The following FAM53A variants were observed in gnomAD, a reference collection of about 807,000 sequenced individuals.
The protein encoded by FAM53A is family with sequence similarity 53 member A.
FAM53A carries 28 observed loss-of-function variants against 26.6 expected under a neutral mutation model. The ratio of observed to expected loss-of-function variants is 1.05; its 90% confidence interval spans 0.78 to 1.45. The LOEUF (loss-of-function observed/expected upper bound fraction) is 1.45, where lower values mean the gene tolerates loss of function less well. Among genes scored for constraint, FAM53A ranks in the 40% most tolerant of loss-of-function variants. The pLI is 0.00. For synonymous variants in FAM53A, 290 were observed against 253.1 expected, an observed-to-expected ratio of 1.15 and a Z score of -1.38; for missense variants, 650 against 575.8, an observed-to-expected ratio of 1.13 and a Z score of -1.32.
At chr4:1,610,654 G>T in the FAM53A span, among the ~76,000 whole-genome samples, 1 of 152,006 alleles carries the variant, frequency 6.6e-6, no homozygotes, top group Non-Finnish European at 1.5e-5. Flanking sequence ...GCGACGTGGG[G>T]GGCGGCCTGG....
At chr4:1,581,894 AT>A in the FAM53A span, among the ~76,000 whole-genome samples, 152 of 144,884 alleles carry the variant, frequency 1.0e-3, no homozygotes, top group East Asian at 3.8e-3. Flanking sequence ...CATGCCCAGC[AT>A]TTTTTTTTTT....
Position 1,658,746 on chromosome 4 carries a change from C to G in FAM53A, c.76-1278G>C, listed in dbSNP as rs181271436. Reference sequence around the variant, plus strand: ...ATGTGTCTGCTTCCACGCACTGGCCCGTGCAGGCGGGACACAGGGCCCTGC... The same window carrying G: ...ATGTGTCTGCTTCCACGCACTGGCCGGTGCAGGCGGGACACAGGGCCCTGC... On this transcript the variant is annotated intron_variant, in intron 2 of 4. Coordinates refer to ENST00000308132, the MANE Select transcript of FAM53A (RefSeq NM_001174070.3). Among the ~76,000 whole-genome samples the G allele has an allele frequency of 6.2e-3, 950 of 152,364 alleles. 13 individuals carry two copies. Among genetic ancestry groups the G allele is most frequent in the African/African-American group, 0.022 (895 of 41,592 alleles).
At chr4:1,643,813 C>T (rs371161502) in intron 4 of FAM53A, among the ~76,000 whole-genome samples, 2 of 152,076 alleles carry the variant, frequency 1.3e-5, no homozygotes, top group South Asian at 2.1e-4. Flanking sequence ...ACAATCCTCC[C>T]GCCTCAGCCT....
chr4:1,646,435 G>C (rs1218007111), intron 4 of FAM53A, among the ~76,000 whole-genome samples: 9 of 152,174 alleles, frequency 5.9e-5, no homozygotes, highest in Non-Finnish European at 1.3e-4. Context: ...TTATTTATAA[G>C]TGACGTCGTC....
At chr4:1,656,310 G>A (rs1025667073) in intron 3 of FAM53A, among the ~76,000 whole-genome samples, 8 of 152,148 alleles carry the variant, frequency 5.3e-5, no homozygotes, top group South Asian at 2.1e-4. Flanking sequence ...CCTGTCTAAC[G>A]CGCTCCCCAG....
intron 1 of FAM53A, among the ~76,000 whole-genome samples, chr4:1,669,865 G>A (rs1714503353): frequency 6.6e-6 from 1 of 152,228 alleles, no homozygotes; most frequent in South Asian, 2.1e-4. Context: ...AGACAGCAGT[G>A]ACGGAACGTC....
upstream of FAM53A, among the ~76,000 whole-genome samples, chr4:1,685,822 A>C (rs1715781777): frequency 6.6e-6 from 1 of 152,154 alleles, no homozygotes; most frequent in Admixed American, 6.5e-5. Context: ...CCAGAGCAGA[A>C]AGTGGCCAGA....
intron 1 of FAM53A, among the ~76,000 whole-genome samples, chr4:1,669,127 G>A (rs1867925): frequency 0.084 from 12,766 of 152,044 alleles, 590 homozygotes; most frequent in Middle Eastern, 0.19. Context: ...CACCCGCCCC[G>A]GAAGCCTCAA....
chr4:1,661,868 C>A (rs1199987440), intron 2 of FAM53A, among the ~76,000 whole-genome samples: 1 of 152,062 alleles, frequency 6.6e-6, no homozygotes, highest in Non-Finnish European at 1.5e-5. Flanking sequence ...ACAGAGTGCA[C>A]CTCCATGCCA....
downstream of FAM53A, among the ~76,000 whole-genome samples, chr4:1,638,480 G>A (rs1303647476): frequency 1.3e-5 from 2 of 152,146 alleles, no homozygotes; most frequent in African/African-American, 2.4e-5. Context: ...CCCTGGGCTC[G>A]GGCCTCAGGA....
At chr4:1,683,040 G>A (rs988667361) in intron 1 of FAM53A, among the ~76,000 whole-genome samples, 3 of 152,200 alleles carry the variant, frequency 2.0e-5, no homozygotes, top group African/African-American at 7.2e-5. Context: ...GCCACAGAAG[G>A]GGATCAGGAC....
At chr4:1,678,527 A>T (rs892234886) in intron 1 of FAM53A, among the ~76,000 whole-genome samples, 9 of 152,202 alleles carry the variant, frequency 5.9e-5, no homozygotes, top group Non-Finnish European at 1.2e-4. Context: ...ATCCACAAGA[A>T]AAAAAGACAT....
chr4:1,680,800 A>AAAAAAAACC (rs1400624308), intron 1 of FAM53A, among the ~76,000 whole-genome samples: 1 of 152,022 alleles, frequency 6.6e-6, no homozygotes, highest in Admixed American at 6.6e-5. Flanking sequence ...AAACAAACAA[A>AAAAAAAACC]AAAAAAACCG....
chr4:1,674,835 T>C (rs1714926034), intron 1 of FAM53A, among the ~76,000 whole-genome samples: 1 of 152,152 alleles, frequency 6.6e-6, no homozygotes, highest in African/African-American at 2.4e-5. Context: ...GCCATGAGGA[T>C]GCAGCACCAG....
chr4:1,637,676 T>C (rs1268776022), downstream of FAM53A, among the ~76,000 whole-genome samples: 2 of 151,372 alleles, frequency 1.3e-5, no homozygotes, highest in African/African-American at 4.9e-5. Context: ...ACTGCAGCAG[T>C]GCTGGGGGCT....
At chr4:1,685,472 C>T (rs902171977), upstream of FAM53A, among the ~76,000 whole-genome samples, 2 of 151,958 alleles carry the variant, frequency 1.3e-5, no homozygotes, top group African/African-American at 4.8e-5. Context: ...CGGCTGGTTC[C>T]GGGAATAGGC....
chr4:1,669,601 G>A (rs1259563949), intron 1 of FAM53A, among the ~76,000 whole-genome samples: 4 of 152,204 alleles, frequency 2.6e-5, no homozygotes, highest in Non-Finnish European at 5.9e-5. Flanking sequence ...AAACTGCCCC[G>A]GCTTTGACCC....
the FAM53A span, among the ~76,000 whole-genome samples, chr4:1,578,162 C>T: frequency 1.3e-5 from 2 of 152,178 alleles, no homozygotes; most frequent in African/African-American, 4.8e-5. Context: ...CTGGACACGG[C>T]CCCCAGACCG....
chr4:1,602,245 G>A, the FAM53A span, among the ~76,000 whole-genome samples: 3 of 152,318 alleles, frequency 2.0e-5, no homozygotes, highest in South Asian at 6.2e-4. Flanking sequence ...AAGCCCTGCC[G>A]GGGGAGCTGG....
Sources: allele counts gnomAD v4.1 joint callset (sites outside exome capture counted in the v4.1 genomes callset), GRCh38; gene constraint gnomAD v4.1.1; transcripts MANE v1.5; gene names NCBI Gene and HGNC (gene_info 2026-07-23, HGNC 2026-07-21).